MBNL1: variants seen among roughly 807,000 people sequenced by gnomAD.
The protein encoded by MBNL1 is muscleblind-like protein 1.
A neutral mutation model predicts 42.2 loss-of-function variants in MBNL1; 8 were observed. That is an observed-to-expected ratio of 0.19 (90% CI 0.11 to 0.34). The LOEUF (loss-of-function observed/expected upper bound fraction) is 0.34. Ranked by LOEUF, MBNL1 falls within the 10% of genes least tolerant of loss-of-function variation. The pLI is 1.00. For missense variants in MBNL1, 309 were observed against 495.3 expected, an observed-to-expected ratio of 0.62 and a Z score of 3.57; for synonymous variants, 169 against 173.9, an observed-to-expected ratio of 0.97 and a Z score of 0.22.
chr3:152,446,403 A>G (rs772953933), intron 5 of MBNL1, among the ~76,000 whole-genome samples: 53 of 151,980 alleles, frequency 3.5e-4, no homozygotes, highest in Non-Finnish European at 1.2e-4. Context: ...TACAGAAGGC[A>G]GACTCTCTCC....
intron 3 of MBNL1, among the ~76,000 whole-genome samples, chr3:152,424,643 A>G (rs1023316996): frequency 3.9e-5 from 6 of 152,208 alleles, no homozygotes; most frequent in Admixed American, 2.0e-4. Context: ...AGCGAAAAGA[A>G]CAAAGCTGGA....
At chr3:152,384,969 G>A (rs2097346264) in intron 2 of MBNL1, among the ~76,000 whole-genome samples, 1 of 151,976 alleles carries the variant, frequency 6.6e-6, no homozygotes. Context: ...TATTCTTTAA[G>A]CATGAAAAGC....
At chr3:152,356,881 T>TGTGTGTGTGTG (rs1560275663) in intron 2 of MBNL1, among the ~76,000 whole-genome samples, 5 of 66,706 alleles carry the variant, frequency 7.5e-5, no homozygotes, top group Admixed American at 1.4e-4. Flanking sequence ...GTGTGTGTGT[T>TGTGTGTGTGTG]CTTACTGTAA....
chr3:152,402,139 G>A (rs2098252139), intron 2 of MBNL1, among the ~76,000 whole-genome samples: 1 of 152,084 alleles, frequency 6.6e-6, no homozygotes, highest in Admixed American at 6.6e-5. Context: ...AATGTTGAAG[G>A]AACAGGAGAA....
intron 3 of MBNL1, among the ~76,000 whole-genome samples, chr3:152,421,561 G>T (rs2098805411): frequency 6.6e-6 from 1 of 152,114 alleles, no homozygotes; most frequent in Non-Finnish European, 1.5e-5. Context: ...TTTAAACTGG[G>T]TGCAGAAAAT....
At chr3:152,283,287 T>G (rs2049599435) in intron 1 of MBNL1, among the ~76,000 whole-genome samples, 1 of 152,194 alleles carries the variant, frequency 6.6e-6, no homozygotes, top group Non-Finnish European at 1.5e-5. Flanking sequence ...CAACTTTCCC[T>G]GGTATCAAGA....
intron 2 of MBNL1, among the ~76,000 whole-genome samples, chr3:152,368,014 A>T (rs979763721): frequency 5.3e-5 from 8 of 151,712 alleles, no homozygotes; most frequent in African/African-American, 1.7e-4. Context: ...TGCTATGCAG[A>T]AGCTTTTTAG....
intron 6 of MBNL1, among the ~76,000 whole-genome samples, chr3:152,451,718 C>T (rs2153905192): frequency 6.6e-6 from 1 of 152,282 alleles, no homozygotes; most frequent in South Asian, 2.1e-4. Context: ...TCCCTATTGC[C>T]TTAGGCCAGG....
At chr3:152,351,517 GGTGTAATTTCACA>G (rs1490558261) in intron 2 of MBNL1, among the ~76,000 whole-genome samples, 1 of 152,138 alleles carries the variant, frequency 6.6e-6, no homozygotes, top group East Asian at 1.9e-4. Flanking sequence ...TTTTATTAAA[GGTGTAATTTCACA>G]GTTGGAGTAT....
At chr3:152,334,825 C>G (rs1228176703) in intron 2 of MBNL1, among the ~76,000 whole-genome samples, 1 of 151,996 alleles carries the variant, frequency 6.6e-6, no homozygotes, top group East Asian at 1.9e-4. Flanking sequence ...CATGTTTTTC[C>G]ATAGAATTAG....
intron 2 of MBNL1, among the ~76,000 whole-genome samples, chr3:152,306,574 G>A (rs2063263917): frequency 6.6e-6 from 1 of 152,070 alleles, no homozygotes; most frequent in African/African-American, 2.4e-5. Context: ...GATTTTGGTA[G>A]CAGGGATTGC....
intron 3 of MBNL1, among the ~76,000 whole-genome samples, chr3:152,419,253 T>A (rs897484271): frequency 1.3e-4 from 20 of 152,020 alleles, no homozygotes; most frequent in African/African-American, 3.6e-4. Flanking sequence ...TATTTAAATT[T>A]AAAAAAATAA....
chr3:152,445,165 C>T, intron 4 of MBNL1, 117 bp from the exon 5 acceptor site: 1 of 813,766 alleles, frequency 1.2e-6, no homozygotes, highest in South Asian at 2.1e-5. Flanking sequence ...GTTTGAAAAT[C>T]ATTTTCCCTT....
chr3:152,423,284 C>T (rs555530193), intron 3 of MBNL1, among the ~76,000 whole-genome samples: 46 of 152,298 alleles, frequency 3.0e-4, no homozygotes, highest in South Asian at 1.2e-3. Flanking sequence ...AAACTACCAG[C>T]AGAGAATACT....
At chr3:152,275,281 G>T (rs73026356) in intron 1 of MBNL1, among the ~76,000 whole-genome samples, 170 of 152,226 alleles carry the variant, frequency 1.1e-3, no homozygotes, top group African/African-American at 3.9e-3. Context: ...CACTGACTAG[G>T]CTTGCAATTC....
intron 1 of MBNL1, among the ~76,000 whole-genome samples, chr3:152,282,712 T>G (rs2049205215): frequency 1.3e-5 from 2 of 152,288 alleles, no homozygotes; most frequent in African/African-American, 4.8e-5. Flanking sequence ...TTACAGCATC[T>G]AGATGCCAGT....
At position 152,306,041 on chromosome 3, in the gene MBNL1, T is replaced by C. The variant is rs181167515; in HGVS notation, c.174+5674T>C. Among the ~76,000 whole-genome samples the C allele has an allele frequency of 3.3e-3, 503 of 152,360 alleles. 3 individuals are homozygous for C. Among genetic ancestry groups the C allele is most frequent in the Middle Eastern group, 0.01 (3 of 294 alleles). ...AACCCCTGATATCTTCTAATTTGGT[T>C]GACAGGCTGTTTGTCCTCTGGATTC... On this transcript the variant is annotated intron_variant, in intron 2 of 9. Transcript: ENST00000324210.
At chr3:152,320,477 A>G (rs865829313) in intron 2 of MBNL1, among the ~76,000 whole-genome samples, 2 of 152,142 alleles carry the variant, frequency 1.3e-5, no homozygotes, top group Non-Finnish European at 2.9e-5. Flanking sequence ...TGATAGCTGT[A>G]TATACAGCCC....
chr3:152,396,718 G>GT (rs1288567871), intron 2 of MBNL1, among the ~76,000 whole-genome samples: 1 of 151,864 alleles, frequency 6.6e-6, no homozygotes, highest in Non-Finnish European at 1.5e-5. Context: ...CTTTTCTTCT[G>GT]TTTTTTGTTT....
Sources: allele counts gnomAD v4.1 joint callset (sites outside exome capture counted in the v4.1 genomes callset), GRCh38; gene constraint gnomAD v4.1.1; transcripts MANE v1.5; gene names NCBI Gene and HGNC (gene_info 2026-07-23, HGNC 2026-07-21).